Variants in TLL1 observed in about 807,000 individuals in gnomAD.
TLL1 encodes tolloid like 1.
TLL1 carries 49 observed loss-of-function variants against 128.2 expected under a neutral mutation model. The observed-to-expected ratio is 0.38, with a 90% confidence interval of 0.30 to 0.48. The LOEUF is 0.48. Ranked by LOEUF, TLL1 falls within the 20% of genes least tolerant of loss-of-function variation. TLL1 has a pLI of 0.96. For synonymous variants in TLL1, 454 were observed against 418.8 expected (o/e 1.08, Z -1.03); for missense variants, 1,123 against 1,242.0 (o/e 0.90, Z 1.44).
chr4:166,059,981 G>A, intron 14 of TLL1, 47 bp from the exon 15 acceptor site: 2 of 1,607,820 alleles, frequency 1.2e-6, no homozygotes, highest in Non-Finnish European at 1.7e-6. Context: ...CTAAGAAGTG[G>A]GTGACTTCAT....
chr4:166,012,660 A>T (rs963254024), intron 7 of TLL1, among the ~76,000 whole-genome samples: 2 of 151,686 alleles, frequency 1.3e-5, no homozygotes, highest in Non-Finnish European at 3.0e-5. Context: ...GCCTTTCTCA[A>T]TGCTACCTTG....
intron 1 of TLL1, among the ~76,000 whole-genome samples, chr4:165,876,372 G>T (rs186994181): frequency 6.6e-6 from 1 of 152,168 alleles, no homozygotes; most frequent in Non-Finnish European, 1.5e-5. Flanking sequence ...GGAAGATGGG[G>T]ACGGGTCTGT....
At position 165,944,813 on chromosome 4, in the gene TLL1, G is replaced by A. The variant is rs1734170432; in HGVS notation, c.170-44568G>A. Among the ~76,000 whole-genome samples, 3 of 152,122 alleles carry A rather than the reference G, an allele frequency of 2.0e-5. 1 individual carries two copies. In the Middle Eastern group the frequency reaches 0.01, roughly 517 times the overall value. On this transcript the variant is annotated intron_variant, in intron 1 of 20. Transcript: ENST00000061240. ...GCAGATGTGTAATTCTGGCATTAAGGCTACACATTAGGGGTAGTAGATCAA... is the reference window on the plus strand; with the variant it reads ...GCAGATGTGTAATTCTGGCATTAAGACTACACATTAGGGGTAGTAGATCAA...
intron 16 of TLL1, among the ~76,000 whole-genome samples, chr4:166,073,360 A>G (rs955339284): frequency 6.6e-6 from 1 of 152,190 alleles, no homozygotes; most frequent in Admixed American, 6.5e-5. Context: ...AGCTAATGGA[A>G]TAGGAGTTCA....
rs139928658 is a variant in TLL1, at chr4:165,965,986, G to A, written c.170-23395G>A. Among the ~76,000 whole-genome samples, 612 of 151,964 alleles carry A rather than the reference G, an allele frequency of 4.0e-3. 4 individuals are homozygous for A. Among genetic ancestry groups the A allele is most frequent in the African/African-American group, 0.013 (551 of 41,468 alleles). On this transcript the variant is annotated intron_variant, in intron 1 of 20. Transcript: ENST00000061240. ...ACGAGGTCAGGAGTTCAAGACCAGC[G>A]TGGCCAAGATGGCAAAACCCTGTCT...
chr4:165,900,963 C>G (rs1182040469), intron 1 of TLL1, among the ~76,000 whole-genome samples: 1 of 151,790 alleles, frequency 6.6e-6, no homozygotes, highest in African/African-American at 2.4e-5. Context: ...CTAATCTTGT[C>G]TTCATGCTTT....
At chr4:166,030,110 A>G (rs190560561) in intron 9 of TLL1, among the ~76,000 whole-genome samples, 1 of 152,086 alleles carries the variant, frequency 6.6e-6, no homozygotes, top group East Asian at 1.9e-4. Context: ...CCTCACTAAG[A>G]CTGCAAAAGG....
intron 1 of TLL1, among the ~76,000 whole-genome samples, chr4:165,898,558 C>G (rs932413299): frequency 6.6e-6 from 1 of 152,152 alleles, no homozygotes. Context: ...GTTGAACCAG[C>G]CTTGCATCCC....
At chr4:165,943,347 T>A (rs1372912324) in intron 1 of TLL1, among the ~76,000 whole-genome samples, 1 of 152,072 alleles carries the variant, frequency 6.6e-6, no homozygotes, top group Admixed American at 6.6e-5. Flanking sequence ...ACTGTAATGT[T>A]AATTTTATTT....
chr4:165,889,550 G>T (rs1731303175), intron 1 of TLL1, among the ~76,000 whole-genome samples: 1 of 152,224 alleles, frequency 6.6e-6, no homozygotes, highest in Non-Finnish European at 1.5e-5. Context: ...GAAAGACAGT[G>T]TTTGCGTAAA....
In TLL1 at chr4:166,060,802, A is replaced by T. The variant is rs144243298; in HGVS notation, c.2007+614A>T. Reference sequence around the variant, plus strand: ...AAAATTCCTTTGTGCTAGTGCACACACACACATCAAATTCAAGTGGAATGT... The same window carrying T: ...AAAATTCCTTTGTGCTAGTGCACACTCACACATCAAATTCAAGTGGAATGT... On this transcript the variant is annotated intron_variant, in intron 15 of 20. Coordinates refer to ENST00000061240, the MANE Select transcript of TLL1 (RefSeq NM_012464.5). Among the ~76,000 whole-genome samples, 407 of 152,342 alleles carry T rather than the reference A, an allele frequency of 2.7e-3. 1 individual carries two copies. Among genetic ancestry groups the T allele is most frequent in the African/African-American group, 9.0e-3 (374 of 41,590 alleles).
chr4:166,047,873 G>T, intron 12 of TLL1, among the ~76,000 whole-genome samples: 1 of 152,102 alleles, frequency 6.6e-6, no homozygotes, highest in East Asian at 1.9e-4. Flanking sequence ...GATGGTATTA[G>T]CAGTGGGGTC....
At chr4:165,994,252 T>C in intron 3 of TLL1, 129 bp from the exon 4 acceptor site, 1 of 1,023,884 alleles carries the variant, frequency 9.8e-7, no homozygotes, top group East Asian at 2.5e-5. Flanking sequence ...TTTTCTTTAA[T>C]GCATTTTGAC....
chr4:165,986,016 C>T (rs1166709014), intron 1 of TLL1, among the ~76,000 whole-genome samples: 1 of 149,352 alleles, frequency 6.7e-6, no homozygotes, highest in Non-Finnish European at 1.5e-5. Context: ...ACCATTTTCC[C>T]ATTTTTTTTT....
intron 9 of TLL1, among the ~76,000 whole-genome samples, chr4:166,031,265 C>T (rs1012661677): frequency 7.3e-5 from 11 of 150,850 alleles, no homozygotes; most frequent in Admixed American, 4.0e-4. Flanking sequence ...GAACTATGTA[C>T]GGCTTATTAT....
chr4:166,102,601 G>A lies in TLL1; in HGVS notation c.*1725G>A, dbSNP rs1345653619. The A allele has an allele frequency of 2.0e-5, 3 of 152,050 alleles. No homozygotes were observed. The East Asian group carries it at 5.8e-4, about 30-fold the overall frequency. The allele number at this position is 152,050 out of a possible 1,614,324, so 9.4% of individuals were successfully genotyped here. A position where few individuals can be genotyped will look rare whatever the true frequency, so the allele number is the denominator to read the frequency against. ...TCAATATAGATTACTGTATGAAGTAGCTTTGTGTCTGTTACCTGTCCATGA... is the reference window on the plus strand; with the variant it reads ...TCAATATAGATTACTGTATGAAGTAACTTTGTGTCTGTTACCTGTCCATGA... On this transcript the variant is annotated 3_prime_UTR_variant, in exon 21 of 21. Transcript: ENST00000061240.
In TLL1 at chr4:166,052,961, A is replaced by G. The variant is rs947550960; in HGVS notation, c.1525-2115A>G. Among the ~76,000 whole-genome samples, 47 of 109,118 alleles carry G rather than the reference A, an allele frequency of 4.3e-4. No individual in the cohort carries two copies. In the Middle Eastern group the frequency reaches 0.012, roughly 29 times the overall value. The allele number at this position is 109,118 out of a possible 152,430, so 71.6% of individuals were successfully genotyped here. A position where few individuals can be genotyped will look rare whatever the true frequency, so the allele number is the denominator to read the frequency against. On this transcript the variant is annotated intron_variant, in intron 12 of 20. Coordinates refer to ENST00000061240, the MANE Select transcript of TLL1 (RefSeq NM_012464.5). ...AAATTAAAGACTGAGATAAGAGGTT[A>G]TGTGTATATATATATATATATTTGG...
chr4:165,967,598 G>T (rs1332443353), intron 1 of TLL1, among the ~76,000 whole-genome samples: 1 of 152,210 alleles, frequency 6.6e-6, no homozygotes, highest in East Asian at 1.9e-4. Flanking sequence ...TTTTGCAAAA[G>T]AGTGATGTTA....
At chr4:165,999,753 C>G (rs933587745) in intron 5 of TLL1, among the ~76,000 whole-genome samples, 3 of 151,914 alleles carry the variant, frequency 2.0e-5, no homozygotes, top group Admixed American at 2.0e-4. Flanking sequence ...GGATTACAAG[C>G]ATGAGCCACC....
Sources: gnomAD v4.1 joint callset for allele counts (sites outside exome capture counted in the v4.1 genomes callset) on GRCh38, gnomAD v4.1.1 for gene constraint, MANE v1.5 for transcripts, NCBI Gene and HGNC (gene_info 2026-07-23, HGNC 2026-07-21) for gene names.